Variants in GABRA3 observed in about 807,000 individuals in gnomAD.
GABRA3 encodes the protein gamma-aminobutyric acid receptor subunit alpha-3.
Under a neutral mutation model 30.1 loss-of-function variants are expected in GABRA3, and 10 were observed. The observed-to-expected ratio is 0.33, with a 90% confidence interval of 0.20 to 0.56. The LOEUF is 0.56. Ranked by LOEUF, GABRA3 falls within the 20% of genes least tolerant of loss-of-function variation. The pLI is 0.89. For missense variants in GABRA3, 233 were observed against 392.0 expected, an observed-to-expected ratio of 0.59 and a Z score of 3.42; for synonymous variants, 151 against 146.8, an observed-to-expected ratio of 1.03 and a Z score of -0.21.
At chrX:152,392,134 T>C (rs1465744632) in intron 1 of GABRA3, 1 of 347,469 alleles carries the variant, frequency 2.9e-6, no homozygotes. Flanking sequence ...CCATGCTTCC[T>C]CATATGGATG....
At chrX:152,274,810 A>T (rs923433896) in intron 4 of GABRA3, among the ~76,000 whole-genome samples, 1 of 109,345 alleles carries the variant, frequency 9.1e-6, no homozygotes, top group Non-Finnish European at 1.9e-5. Context: ...TAAGAGCACA[A>T]ATCAGTGAAA....
rs1315619192 is a variant in GABRA3, at chrX:152,236,640, A to G, written c.552-11795T>C. Among the ~76,000 whole-genome samples, 19 of 107,943 alleles carry G rather than the reference A, an allele frequency of 1.8e-4. No individual in the cohort carries two copies. In the East Asian group the frequency reaches 5.2e-3, roughly 30 times the overall value. 93.7% of individuals were successfully genotyped at this position (107,943 alleles called of 115,157 possible). ...TGTAAAAGTGTTCCTATTTCTCCAC[A>G]TCTTGTCCAGCACCTGTTGTTTCCT... On this transcript the variant is annotated intron_variant, in intron 5 of 9. Coordinates refer to ENST00000370314, the MANE Select transcript of GABRA3 (RefSeq NM_000808.4).
intron 2 of GABRA3, among the ~76,000 whole-genome samples, chrX:152,354,685 A>G (rs1254483025): frequency 9.0e-6 from 1 of 111,415 alleles, no homozygotes. Flanking sequence ...TCAGCTCAAT[A>G]TAGGAAGCAC....
At chrX:152,355,370 T>C (rs1287300735) in intron 2 of GABRA3, among the ~76,000 whole-genome samples, 1 of 111,237 alleles carries the variant, frequency 9.0e-6, no homozygotes, top group Non-Finnish European at 1.9e-5. Context: ...CATTGGCCTA[T>C]TGCTTCAACT....
intron 3 of GABRA3, among the ~76,000 whole-genome samples, chrX:152,295,048 C>T (rs1274551805): frequency 1.8e-5 from 2 of 111,419 alleles, no homozygotes; most frequent in Middle Eastern, 4.7e-3. Flanking sequence ...ATATTGCTGC[C>T]TGATTCTTCC....
intron 5 of GABRA3, among the ~76,000 whole-genome samples, chrX:152,253,022 G>A (rs1423204300): frequency 1.8e-5 from 2 of 111,902 alleles, no homozygotes; most frequent in Admixed American, 1.9e-4. Context: ...TTTGCATCCA[G>A]ATGGAGGTGA....
At chrX:152,409,189 C>CA (rs978150826) in intron 1 of GABRA3, among the ~76,000 whole-genome samples, 1 of 110,468 alleles carries the variant, frequency 9.1e-6, no homozygotes, top group African/African-American at 3.3e-5. Flanking sequence ...CCAATCTCTA[C>CA]AAAAAATAAT....
intron 5 of GABRA3, among the ~76,000 whole-genome samples, chrX:152,229,651 T>G (rs1378217502): frequency 9.1e-6 from 1 of 109,699 alleles, no homozygotes; most frequent in African/African-American, 3.3e-5. Context: ...GTGGCTGTCT[T>G]GTAGAGATCA....
intron 8 of GABRA3, 48 bp from the exon 9 acceptor site, chrX:152,189,989 A>G: frequency 2.2e-6 from 2 of 909,413 alleles, no homozygotes; most frequent in Non-Finnish European, 3.1e-6. Flanking sequence ...AGACATTGAG[A>G]GCTTATTCGA....
intron 3 of GABRA3, among the ~76,000 whole-genome samples, chrX:152,321,098 A>T (rs1939956861): frequency 8.9e-6 from 1 of 111,934 alleles, no homozygotes; most frequent in Non-Finnish European, 1.9e-5. Flanking sequence ...ACATTAAGAC[A>T]TGGTTGAATA....
intron 1 of GABRA3, among the ~76,000 whole-genome samples, chrX:152,374,337 C>CT (rs55927249): frequency 2.4e-4 from 10 of 41,644 alleles, no homozygotes; most frequent in African/African-American, 2.9e-4. Flanking sequence ...CTTTTCTTTT[C>CT]TTTTTTTTTT....
chrX:152,352,230 TA>T (rs1940489110), intron 2 of GABRA3, among the ~76,000 whole-genome samples: 1 of 111,410 alleles, frequency 9.0e-6, no homozygotes, highest in Non-Finnish European at 1.9e-5. Context: ...CAAAGCACAA[TA>T]AAGTGAAGCA....
intron 4 of GABRA3, among the ~76,000 whole-genome samples, chrX:152,264,856 C>G (rs890521279): frequency 9.0e-6 from 1 of 110,695 alleles, no homozygotes; most frequent in African/African-American, 3.3e-5. Context: ...ACACTTATAT[C>G]AGACAAAATA....
At chrX:152,170,639 CAAG>C (rs767110327) in intron 9 of GABRA3, among the ~76,000 whole-genome samples, 7 of 111,828 alleles carry the variant, frequency 6.3e-5, no homozygotes, top group African/African-American at 2.3e-4. Context: ...TTTGAGTTGA[CAAG>C]AAGTTTACTG....
At chrX:152,283,308 T>C (rs1310092633) in intron 4 of GABRA3, among the ~76,000 whole-genome samples, 9 of 111,574 alleles carry the variant, frequency 8.1e-5, no homozygotes, top group Admixed American at 7.6e-4. Context: ...TGCTGTTAAG[T>C]GCCAGGGAAG....
chrX:152,215,057 T>A (rs1156672664), intron 6 of GABRA3, among the ~76,000 whole-genome samples: 1 of 107,076 alleles, frequency 9.3e-6, no homozygotes, highest in African/African-American at 3.4e-5. Flanking sequence ...TATATATATT[T>A]TTTTATATGA....
chrX:152,439,653 A>G (rs1438065911), intron 1 of GABRA3, among the ~76,000 whole-genome samples: 4 of 112,089 alleles, frequency 3.6e-5, no homozygotes, highest in African/African-American at 9.7e-5. Context: ...AACCTGTACA[A>G]GAACATTTAT....
Position 152,176,696 on chromosome X carries a change from A to T in GABRA3, c.1144-8133T>A, listed in dbSNP as rs370973889. ...TATGAGAATTACATTTTTATCAGAC[A>T]TCCCAATAGGAATATAATCCCAATA... is the stretch of plus-strand genomic sequence containing the variant. On this transcript the variant is annotated intron_variant, in intron 9 of 9. Coordinates refer to ENST00000370314, the MANE Select transcript of GABRA3 (RefSeq NM_000808.4). Among the ~76,000 whole-genome samples, 130 of 111,552 alleles carry T rather than the reference A, an allele frequency of 1.2e-3. 2 individuals are homozygous for T. In the South Asian group the frequency reaches 0.042, roughly 36 times the overall value.
At chrX:152,345,005 T>C (rs1940370032) in intron 3 of GABRA3, among the ~76,000 whole-genome samples, 1 of 112,023 alleles carries the variant, frequency 8.9e-6, no homozygotes, top group South Asian at 3.7e-4. Context: ...ATATTGCTGA[T>C]TATACTAAAC....
Sources: gnomAD v4.1 joint callset for allele counts (sites outside exome capture counted in the v4.1 genomes callset) on GRCh38, gnomAD v4.1.1 for gene constraint, MANE v1.5 for transcripts, NCBI Gene and HGNC (gene_info 2026-07-23, HGNC 2026-07-21) for gene names.